The following MOB1B variants were observed in gnomAD, a reference collection of about 807,000 sequenced individuals.
The protein encoded by MOB1B is MOB kinase activator 1B.
In MOB1B, 19 loss-of-function variants were observed where a neutral mutation model predicts 24.4. That is an observed-to-expected ratio of 0.78 (90% confidence interval 0.54 to 1.14). MOB1B has a LOEUF of 1.14. MOB1B is among the 50% of genes most tolerant of loss of function. The probability of loss-of-function intolerance (pLI) is 0.00; values close to 1 mark genes in which losing one functional copy is unlikely to be tolerated. For synonymous variants in MOB1B, 76 were observed against 82.1 expected, an observed-to-expected ratio of 0.93 and a Z score of 0.40; for missense variants, 243 against 259.6, an observed-to-expected ratio of 0.94 and a Z score of 0.44.
At chr4:70,965,175 T>C (rs1161164844) in intron 2 of MOB1B, among the ~76,000 whole-genome samples, 2 of 150,666 alleles carry the variant, frequency 1.3e-5, no homozygotes, top group Non-Finnish European at 2.9e-5. Context: ...CAGGTGCTTG[T>C]AATCCTACCT....
chr4:70,928,173 G>C (rs1736728232), intron 1 of MOB1B, among the ~76,000 whole-genome samples: 2 of 152,076 alleles, frequency 1.3e-5, no homozygotes, highest in Admixed American at 1.3e-4. Flanking sequence ...CCACTGTCAT[G>C]TGTATGATCT....
chr4:70,970,099 C>G, intron 3 of MOB1B, 75 bp downstream of exon 3: 2 of 860,594 alleles, frequency 2.3e-6, no homozygotes, highest in Non-Finnish European at 3.7e-6. Context: ...AAGTTTCTGA[C>G]CATATGATTT....
intron 1 of MOB1B, among the ~76,000 whole-genome samples, chr4:70,903,974 C>CTT (rs754257097): frequency 0.75 from 60,753 of 81,008 alleles, 24,875 homozygotes; most frequent in South Asian, 0.82. Flanking sequence ...TATTTTAGTT[C>CTT]TTTTTTTTTT....
At chr4:70,917,684 T>C (rs903182703) in intron 1 of MOB1B, among the ~76,000 whole-genome samples, 4 of 152,238 alleles carry the variant, frequency 2.6e-5, no homozygotes, top group African/African-American at 9.6e-5. Flanking sequence ...TCTACTGTTT[T>C]AGCATCAGCC....
At chr4:70,973,052 C>T (rs541036655) in intron 3 of MOB1B, among the ~76,000 whole-genome samples, 7 of 152,200 alleles carry the variant, frequency 4.6e-5, no homozygotes, top group South Asian at 4.1e-4. Flanking sequence ...GCATTACAGG[C>T]GTGAGCCACC....
chr4:70,936,084 C>T (rs1455466710), intron 1 of MOB1B, among the ~76,000 whole-genome samples: 1 of 151,998 alleles, frequency 6.6e-6, no homozygotes, highest in Non-Finnish European at 1.5e-5. Context: ...ATCTCCTGAC[C>T]TCGTGATCCG....
At chr4:70,958,618 A>T in intron 1 of MOB1B, 1 of 529,846 alleles carries the variant, frequency 1.9e-6, no homozygotes, top group Non-Finnish European at 3.6e-6. Context: ...CTAAAACATC[A>T]TGGAAGTACT....
intron 1 of MOB1B, among the ~76,000 whole-genome samples, chr4:70,940,608 G>A (rs1010635390): frequency 6.6e-5 from 10 of 151,934 alleles, no homozygotes; most frequent in Non-Finnish European, 4.4e-5. Flanking sequence ...ATCTGATTCC[G>A]AATGGATGAA....
intron 2 of MOB1B, among the ~76,000 whole-genome samples, chr4:70,960,108 T>C (rs1342743448): frequency 1.3e-5 from 2 of 152,120 alleles, no homozygotes; most frequent in East Asian, 1.9e-4. Flanking sequence ...GGTCTCGAAC[T>C]CCTGACCTTG....
At chr4:70,925,593 AG>A (rs1474607077) in intron 1 of MOB1B, among the ~76,000 whole-genome samples, 1 of 152,174 alleles carries the variant, frequency 6.6e-6, no homozygotes, top group Non-Finnish European at 1.5e-5. Context: ...AGACTCTCAA[AG>A]TGTGGATCTT....
intron 1 of MOB1B, among the ~76,000 whole-genome samples, chr4:70,955,934 A>G (rs1560654066): frequency 6.6e-6 from 1 of 152,144 alleles, no homozygotes; most frequent in East Asian, 1.9e-4. Flanking sequence ...GCAGAGCCTC[A>G]CTGTGTTGCC....
At chr4:70,935,427 G>A (rs778696664) in intron 1 of MOB1B, among the ~76,000 whole-genome samples, 1 of 152,178 alleles carries the variant, frequency 6.6e-6, no homozygotes, top group Non-Finnish European at 1.5e-5. Context: ...GATAATTTCA[G>A]TTAGCGGCTT....
intron 1 of MOB1B, among the ~76,000 whole-genome samples, chr4:70,948,654 T>C (rs1191694136): frequency 6.6e-6 from 1 of 152,194 alleles, no homozygotes; most frequent in Non-Finnish European, 1.5e-5. Flanking sequence ...GTTGAGTAGT[T>C]CTTTCATGGT....
intron 1 of MOB1B, among the ~76,000 whole-genome samples, chr4:70,909,553 A>G (rs1243157833): frequency 6.6e-6 from 1 of 152,160 alleles, no homozygotes; most frequent in Non-Finnish European, 1.5e-5. Flanking sequence ...ATGAGTGTTT[A>G]CTATGTGCCA....
At chr4:70,952,974 G>C (rs1009723321) in intron 1 of MOB1B, among the ~76,000 whole-genome samples, 1 of 119,030 alleles carries the variant, frequency 8.4e-6, no homozygotes, top group Non-Finnish European at 1.6e-5. Context: ...TTGGAGTCTC[G>C]CCCTGTCGCC....
chr4:70,925,785 C>T (rs6446945), intron 1 of MOB1B, among the ~76,000 whole-genome samples: 9,686 of 152,212 alleles, frequency 0.064, 636 homozygotes, highest in African/African-American at 0.15. Flanking sequence ...CAATATAACA[C>T]CAGTTCTGTC....
Position 70,987,341 on chromosome 4 carries a change from T to C in MOB1B, c.*5284T>C, listed in dbSNP as rs1473553541. 6.6e-6 allele frequency: 1 copy of C among 152,050 alleles called. No individual in the cohort carries two copies. Among genetic ancestry groups the C allele is most frequent in the African/African-American group, 2.4e-5 (1 of 41,460 alleles). 9.4% of individuals were successfully genotyped at this position (152,050 alleles called of 1,614,324 possible). ...ATTCATGTTCTCATCTGATTTAATA[T>C]TAAATTTGTATAGGTGGGCGTTTCT... On this transcript the variant is annotated 3_prime_UTR_variant, in exon 6 of 6. Coordinates refer to ENST00000309395, the MANE Select transcript of MOB1B (RefSeq NM_173468.4).
intron 4 of MOB1B, chr4:70,976,753 C>CATATATACATACATATATATATATATAT (rs1553939768): frequency 5.5e-6 from 1 of 181,616 alleles, no homozygotes; most frequent in African/African-American, 3.1e-5. Context: ...GACTGAATTA[C>CATATATACATACATATATATATATATAT]ATATATATAT....
intron 3 of MOB1B, among the ~76,000 whole-genome samples, chr4:70,974,717 T>A (rs1225545894): frequency 6.6e-6 from 1 of 152,218 alleles, no homozygotes; most frequent in African/African-American, 2.4e-5. Flanking sequence ...TGCTTCTGTG[T>A]CATTCTCTAT....
Sources: gnomAD v4.1 joint callset for allele counts (sites outside exome capture counted in the v4.1 genomes callset) on GRCh38, gnomAD v4.1.1 for gene constraint, MANE v1.5 for transcripts, NCBI Gene and HGNC (gene_info 2026-07-23, HGNC 2026-07-21) for gene names.